Variants in ANTXR1 observed in about 807,000 individuals in gnomAD.
ANTXR1 encodes the protein ANTXR cell adhesion molecule 1, also known as anthrax toxin receptor 1.
Under a neutral mutation model 78.1 loss-of-function variants are expected in ANTXR1, and 19 were observed. That is an observed-to-expected ratio of 0.24 (90% CI 0.17 to 0.36). The LOEUF is 0.36. Among genes scored for constraint, ANTXR1 ranks in the 10% least tolerant of loss-of-function variants. ANTXR1 has a pLI of 1.00. For missense variants in ANTXR1, 518 were observed against 718.6 expected (o/e 0.72, Z 3.19); for synonymous variants, 273 against 260.5 (o/e 1.05, Z -0.46).
At chr2:69,059,301 T>A (rs972456175) in intron 3 of ANTXR1, among the ~76,000 whole-genome samples, 2 of 152,142 alleles carry the variant, frequency 1.3e-5, no homozygotes, top group African/African-American at 2.4e-5. Context: ...CAAACTTCAT[T>A]GTTGTCTTAT....
intron 9 of ANTXR1, among the ~76,000 whole-genome samples, chr2:69,098,983 C>CTAAATAAA (rs56154212): frequency 2.0e-5 from 3 of 151,590 alleles, no homozygotes; most frequent in African/African-American, 7.3e-5. Flanking sequence ...GAGACTGCGT[C>CTAAATAAA]TAAATAAATA....
chr2:69,229,056 C>T (rs1675529049), intron 17 of ANTXR1, among the ~76,000 whole-genome samples: 1 of 152,070 alleles, frequency 6.6e-6, no homozygotes, highest in Non-Finnish European at 1.5e-5. Flanking sequence ...GGGAACTCTT[C>T]TTCTAAGGGG....
intron 1 of ANTXR1, among the ~76,000 whole-genome samples, chr2:69,036,225 T>C (rs770432252): frequency 6.6e-6 from 1 of 152,226 alleles, no homozygotes; most frequent in Non-Finnish European, 1.5e-5. Context: ...GATTTTATTC[T>C]TTTATTTCTA....
At chr2:69,023,797 TAGG>T (rs1466170965) in intron 1 of ANTXR1, among the ~76,000 whole-genome samples, 1 of 152,130 alleles carries the variant, frequency 6.6e-6, no homozygotes, top group Admixed American at 6.5e-5. Context: ...GAGAGGGACT[TAGG>T]AGGCTTCATA....
chr2:69,145,603 T>C (rs900879051), intron 12 of ANTXR1: 3 of 1,352,212 alleles, frequency 2.2e-6, no homozygotes, highest in Admixed American at 6.2e-5. Context: ...AGGCACTTTA[T>C]TGGCTACATA....
chr2:69,091,768 G>A (rs1671247709), intron 9 of ANTXR1, among the ~76,000 whole-genome samples: 1 of 152,168 alleles, frequency 6.6e-6, no homozygotes, highest in Admixed American at 6.5e-5. Context: ...TGTCCCTGTA[G>A]AGGGCCATAT....
In ANTXR1 at chr2:69,245,824, GA is replaced by G. The variant is rs1422850996; in HGVS notation, c.*340del. 3.8e-6 allele frequency: 1 copy of G among 261,298 alleles called. No homozygotes were observed. The highest frequency in any genetic ancestry group is 2.3e-5 in the African/African-American group (1 of 44,234). 16.2% of individuals were successfully genotyped at this position (261,298 alleles called of 1,614,324 possible). A position where few individuals can be genotyped will look rare whatever the true frequency, so the allele number is the denominator to read the frequency against. ...ATCATTTATCTGAAGGTGAAATGCA[GA>G]GTTGGATAAGAAATACATTGCTGGG... On this transcript the variant is annotated 3_prime_UTR_variant, in exon 18 of 18. Transcript: ENST00000303714.
chr2:69,240,955 A>G (rs918994664), intron 17 of ANTXR1, among the ~76,000 whole-genome samples: 23 of 152,330 alleles, frequency 1.5e-4, no homozygotes, highest in Middle Eastern at 3.4e-3. Context: ...TTTCAAGCCT[A>G]GGAGGAAGGC....
At chr2:69,055,882 A>G (rs567938249) in intron 3 of ANTXR1, among the ~76,000 whole-genome samples, 5 of 151,656 alleles carry the variant, frequency 3.3e-5, no homozygotes, top group Admixed American at 2.0e-4. Context: ...ATGGTTTCCA[A>G]TTTGGGCTCC....
At chr2:69,127,258 G>GA (rs1356383321) in intron 12 of ANTXR1, among the ~76,000 whole-genome samples, 4 of 152,174 alleles carry the variant, frequency 2.6e-5, no homozygotes, top group African/African-American at 9.7e-5. Context: ...CATTGAAAAG[G>GA]TGGTATTTGA....
chr2:69,245,197 C>T (rs373749121), intron 17 of ANTXR1, 28 bp from the exon 18 acceptor site: 328 of 1,613,840 alleles, frequency 2.0e-4, no homozygotes, highest in Admixed American at 4.5e-4. Context: ...CGTCCGCTCA[C>T]GTTTCCTTCT....
intron 13 of ANTXR1, among the ~76,000 whole-genome samples, chr2:69,166,817 G>A (rs970491758): frequency 6.6e-6 from 1 of 152,224 alleles, no homozygotes; most frequent in East Asian, 1.9e-4. Flanking sequence ...GCTGATTCTA[G>A]CTTGCATTCT....
intron 17 of ANTXR1, among the ~76,000 whole-genome samples, chr2:69,207,862 T>G (rs1316786777): frequency 6.6e-6 from 1 of 152,206 alleles, no homozygotes; most frequent in Non-Finnish European, 1.5e-5. Flanking sequence ...GAACAGATCT[T>G]AGTGGAGACA....
At chr2:69,107,501 A>C (rs770330511) in intron 10 of ANTXR1, among the ~76,000 whole-genome samples, 3 of 152,144 alleles carry the variant, frequency 2.0e-5, no homozygotes, top group South Asian at 2.1e-4. Context: ...CAGCCTCCCA[A>C]AATGCTGGAA....
At chr2:69,120,303 T>C (rs373009717) in intron 10 of ANTXR1, among the ~76,000 whole-genome samples, 2 of 152,196 alleles carry the variant, frequency 1.3e-5, no homozygotes, top group African/African-American at 4.8e-5. Flanking sequence ...ACAGTATTGT[T>C]TAAGTCGAAC....
chr2:69,177,979 GTTT>G (rs1473967812), intron 14 of ANTXR1, among the ~76,000 whole-genome samples: 3 of 152,044 alleles, frequency 2.0e-5, no homozygotes, highest in Admixed American at 1.3e-4. Flanking sequence ...GGACAGCAAG[GTTT>G]TTGTTTTGTT....
chr2:69,226,126 G>T (rs1675445344), intron 17 of ANTXR1, among the ~76,000 whole-genome samples: 1 of 152,160 alleles, frequency 6.6e-6, no homozygotes, highest in South Asian at 2.1e-4. Context: ...GAGGGGGTTG[G>T]TAGCCATAGC....
At chr2:69,145,207 G>A (rs1298555352) in intron 12 of ANTXR1, 2 of 983,100 alleles carry the variant, frequency 2.0e-6, no homozygotes, top group Non-Finnish European at 3.1e-6. Context: ...GTTACGGGGG[G>A]CTGATTCGCT....
At chr2:69,064,244 C>T (rs888825381) in intron 3 of ANTXR1, among the ~76,000 whole-genome samples, 1 of 152,108 alleles carries the variant, frequency 6.6e-6, no homozygotes, top group East Asian at 1.9e-4. Context: ...TTCACCTGGA[C>T]TTATTTATGC....
Sources: allele counts gnomAD v4.1 joint callset (sites outside exome capture counted in the v4.1 genomes callset), GRCh38; gene constraint gnomAD v4.1.1; transcripts MANE v1.5; gene names NCBI Gene and HGNC (gene_info 2026-07-23, HGNC 2026-07-21).